Variants in ZNF148 observed in about 807,000 individuals in gnomAD.
ZNF148 encodes the protein Beta-Enolase Repressor Factor-1.
A neutral mutation model predicts 67.7 loss-of-function variants in ZNF148; 7 were observed. The observed-to-expected ratio is 0.10, with a 90% CI of 0.06 to 0.19. ZNF148 has a LOEUF of 0.19. ZNF148 is among the 10% of genes least tolerant of loss of function. ZNF148 has a pLI of 1.00. For missense variants in ZNF148, 583 were observed against 947.1 expected (o/e 0.62, Z 5.05); for synonymous variants, 333 against 330.7 (o/e 1.01, Z -0.08).
chr3:125,263,112 C>T (rs555857306), intron 7 of ZNF148, among the ~76,000 whole-genome samples: 33 of 152,318 alleles, frequency 2.2e-4, no homozygotes, highest in Middle Eastern at 3.4e-3. Context: ...AAGTTGCATA[C>T]CATTCCATTC....
Position 125,340,817 on chromosome 3 carries a change from T to A in ZNF148, c.-233-9579A>T, listed in dbSNP as rs369966672. Among the ~76,000 whole-genome samples the A allele has an allele frequency of 7.9e-3, 1,197 of 151,086 alleles. 18 individuals are homozygous for A. Among genetic ancestry groups the A allele is most frequent in the African/African-American group, 0.027 (1,111 of 41,178 alleles). ...CCGGCTAAAACGGTGAAACCCCGTCTCTACTAAAAATACAAAAAAAATTAG... is the reference window on the plus strand; with the variant it reads ...CCGGCTAAAACGGTGAAACCCCGTCACTACTAAAAATACAAAAAAAATTAG... On this transcript the variant is annotated intron_variant, in intron 1 of 8. Coordinates refer to ENST00000360647, the MANE Select transcript of ZNF148 (RefSeq NM_021964.3).
At chr3:125,344,708 C>A (rs1941872260) in intron 1 of ZNF148, 2 of 608,296 alleles carry the variant, frequency 3.3e-6, no homozygotes, top group Admixed American at 2.2e-5. Flanking sequence ...AATCTGGGTG[C>A]CACTTCAGTG....
At chr3:125,273,505 T>TTG (rs1937872849) in intron 7 of ZNF148, among the ~76,000 whole-genome samples, 1 of 151,280 alleles carries the variant, frequency 6.6e-6, no homozygotes, top group South Asian at 2.1e-4. Flanking sequence ...GAATCTTTTT[T>TTG]TTTTTTTTGA....
intron 1 of ZNF148, among the ~76,000 whole-genome samples, chr3:125,347,617 G>A (rs1250812187): frequency 6.6e-6 from 1 of 151,044 alleles, no homozygotes; most frequent in Non-Finnish European, 1.5e-5. Context: ...ACCCAGGCTG[G>A]AGTGCAGTGG....
chr3:125,239,064 G>C (rs183110553), intron 7 of ZNF148, among the ~76,000 whole-genome samples: 23 of 152,306 alleles, frequency 1.5e-4, no homozygotes, highest in Non-Finnish European at 2.9e-4. Context: ...GGAAAATTCA[G>C]AGTGATAGAA....
At chr3:125,360,383 T>A (rs1013831860) in intron 1 of ZNF148, among the ~76,000 whole-genome samples, 1 of 152,136 alleles carries the variant, frequency 6.6e-6, no homozygotes, top group African/African-American at 2.4e-5. Flanking sequence ...CTTCCAGGGC[T>A]CAAGTGATTC....
In ZNF148 at chr3:125,232,353, C is replaced by A; in HGVS notation, c.2373G>T (p.Gln791His). The A allele has an allele frequency of 6.4e-7, 1 of 1,571,190 alleles. No individual in the cohort carries two copies. Among genetic ancestry groups the A allele is most frequent in the Non-Finnish European group, 8.6e-7 (1 of 1,157,538 alleles). Residue 791 changes from glutamine to histidine, a missense_variant, in exon 9 of 9, where the codon CAG (glutamine) becomes CAT (histidine). This residue lies in a region of ZNF148 where 158 missense variants were observed against 208.4 expected (regional missense o/e 0.76). Coordinates refer to ENST00000360647, the MANE Select transcript of ZNF148 (RefSeq NM_021964.3). The surrounding 1 kb of genome is among the most constrained non-coding windows in gnomAD (Gnocchi z 4.2). ...MTSSPDATTG[Q>H]TFG ...TTTTTTTTTTTTTTTAGCCAAAAGTCTGGCCAGTTGTGGCATCAGGTGAAG... is the reference window on the plus strand; with the variant it reads ...TTTTTTTTTTTTTTTAGCCAAAAGTATGGCCAGTTGTGGCATCAGGTGAAG...
At chr3:125,238,498 C>T (rs1181326756) in intron 7 of ZNF148, among the ~76,000 whole-genome samples, 1 of 151,870 alleles carries the variant, frequency 6.6e-6, no homozygotes, top group Non-Finnish European at 1.5e-5. Flanking sequence ...CATGGTGGCA[C>T]ACTCCTGTAA....
chr3:125,245,695 T>C (rs1468520160), intron 7 of ZNF148, among the ~76,000 whole-genome samples: 1 of 152,210 alleles, frequency 6.6e-6, no homozygotes. Context: ...ATCTGTTCAC[T>C]TCTCTCCACT....
At chr3:125,374,410 T>C (rs994137856) in intron 1 of ZNF148, among the ~76,000 whole-genome samples, 9 of 152,186 alleles carry the variant, frequency 5.9e-5, no homozygotes, top group African/African-American at 2.2e-4. Flanking sequence ...CGATCCTTTC[T>C]ATTCACGGGA....
chr3:125,261,506 T>A (rs1961457), intron 7 of ZNF148, among the ~76,000 whole-genome samples: 118,216 of 152,052 alleles, frequency 0.78, 46,562 homozygotes, highest in African/African-American at 0.87. Context: ...ATGATAAATG[T>A]TGACAATTTA....
At chr3:125,353,691 G>C (rs1312846559) in intron 1 of ZNF148, among the ~76,000 whole-genome samples, 1 of 151,946 alleles carries the variant, frequency 6.6e-6, no homozygotes, top group African/African-American at 2.4e-5. Context: ...CTGAGTTCAA[G>C]AGATTCACCT....
chr3:125,228,843 T>C lies in ZNF148; in HGVS notation c.*3498A>G, dbSNP rs1009733298. ...GATGAACCATATTTACAGCATGGTA[T>C]TGCATAAAAAAATAAAATAATGTTT... On this transcript the variant is annotated 3_prime_UTR_variant, in exon 9 of 9. Transcript: ENST00000360647. 2.0e-5 allele frequency: 3 copies of C among 152,608 alleles called. No individual in the cohort carries two copies. The highest frequency in any genetic ancestry group is 2.1e-4 in the South Asian group (1 of 4,830). 9.5% of individuals were successfully genotyped at this position (152,608 alleles called of 1,614,324 possible).
chr3:125,344,832 C>G (rs1941876814), intron 1 of ZNF148: 1 of 327,972 alleles, frequency 3.0e-6, no homozygotes, highest in South Asian at 3.1e-5. Flanking sequence ...ACTGAGGATG[C>G]AGGTGGCAGG....
At chr3:125,284,448 T>A (rs904277675) in intron 5 of ZNF148, among the ~76,000 whole-genome samples, 1 of 152,018 alleles carries the variant, frequency 6.6e-6, no homozygotes, top group African/African-American at 2.4e-5. Flanking sequence ...CACCAAGGAA[T>A]GAGAAGTGAA....
At chr3:125,329,122 TA>T (rs1421858961) in intron 2 of ZNF148, among the ~76,000 whole-genome samples, 1 of 150,814 alleles carries the variant, frequency 6.6e-6, no homozygotes, top group African/African-American at 2.4e-5. Flanking sequence ...CTCTATTGCC[TA>T]AGTGTATACA....
At chr3:125,350,889 C>G (rs1942123943) in intron 1 of ZNF148, among the ~76,000 whole-genome samples, 1 of 152,180 alleles carries the variant, frequency 6.6e-6, no homozygotes, top group Admixed American at 6.5e-5. Context: ...ACGTTGACAA[C>G]ATGGATGAAC....
intron 5 of ZNF148, among the ~76,000 whole-genome samples, chr3:125,279,775 C>G (rs1408452699): frequency 6.7e-6 from 1 of 149,478 alleles, no homozygotes; most frequent in Non-Finnish European, 1.5e-5. Context: ...AAGTTTAGAA[C>G]CCAGTGTATA....
rs1935876612 is a variant in ZNF148, at chr3:125,232,104, C to T, written c.*237G>A. 2 of 403,400 alleles carry T rather than the reference C, an allele frequency of 5.0e-6. No individual in the cohort carries two copies. Among genetic ancestry groups the T allele is most frequent in the East Asian group, 7.6e-5 (2 of 26,430 alleles). 25.0% of individuals were successfully genotyped at this position (403,400 alleles called of 1,614,324 possible). A position where few individuals can be genotyped will look rare whatever the true frequency, so the allele number is the denominator to read the frequency against. ...TTGGTGTGGGTGGAATAGCAAGTTT[C>T]TGATCTAAAACAAGTAATGCATTGC... On this transcript the variant is annotated 3_prime_UTR_variant, in exon 9 of 9. Transcript: ENST00000360647. This position sits in a 1 kb window ranked among gnomAD's most constrained non-coding sequence, Gnocchi z 4.2.
Sources: allele counts gnomAD v4.1 joint callset (sites outside exome capture counted in the v4.1 genomes callset), GRCh38; gene constraint gnomAD v4.1.1; regional missense constraint gnomAD v4.1.1; non-coding constraint Gnocchi (gnomAD v3.1); transcripts MANE v1.5; gene names NCBI Gene and HGNC (gene_info 2026-07-23, HGNC 2026-07-21).